The following ADGRA2 variants were observed in gnomAD, a reference collection of about 807,000 sequenced individuals.
ADGRA2 encodes the protein G-protein coupled receptor 124.
In ADGRA2, 61 loss-of-function variants were observed where a neutral mutation model predicts 98.7. That is an observed-to-expected ratio of 0.62 (90% CI 0.50 to 0.76). The LOEUF is 0.76. ADGRA2 is among the 30% of genes least tolerant of loss of function. ADGRA2 has a pLI of 0.00. For missense variants in ADGRA2, 1,712 were observed against 1,860.0 expected (o/e 0.92, Z 1.46); for synonymous variants, 858 against 831.5 (o/e 1.03, Z -0.55).
chr8:37,816,927 AACACACACACACACACACAC>A (rs3050620), intron 2 of ADGRA2, among the ~76,000 whole-genome samples: 2,545 of 131,986 alleles, frequency 0.019, 26 homozygotes, highest in African/African-American at 0.038. Context: ...AAGAAAGCAA[AACACACACACACACACACAC>A]ACACACACAC....
chr8:37,806,524 TTC>T (rs1288344010), intron 1 of ADGRA2, among the ~76,000 whole-genome samples: 5 of 136,226 alleles, frequency 3.7e-5, no homozygotes, highest in African/African-American at 1.6e-4. Context: ...TTTTTTCTTT[TTC>T]TTTTTTTTTT....
intron 18 of ADGRA2, 70 bp downstream of exon 18, chr8:37,840,919 G>T: frequency 9.0e-7 from 1 of 1,112,528 alleles, no homozygotes. Context: ...CACTGGCAGG[G>T]CCATCTGCCA....
At position 37,844,515 on chromosome 8, in the gene ADGRA2, G is replaced by A. The variant is rs771341957; in HGVS notation, c.*2160G>A. 3.7e-6 allele frequency: 6 copies of A among 1,613,344 alleles called. No homozygotes were observed. The highest frequency in any genetic ancestry group is 4.2e-6 in the Non-Finnish European group (5 of 1,180,000). The stretch of plus-strand genomic sequence containing the variant: ...TCAGGGAGGGTTAGGGACACTCGTG[G>A]CAGCCTGTCTAGCAGCCTGGGCTCT... On this transcript the variant is annotated 3_prime_UTR_variant, in exon 19 of 19. Transcript: ENST00000412232.
At chr8:37,832,133 A>ATTTT (rs1563349094) in intron 8 of ADGRA2, among the ~76,000 whole-genome samples, 21 of 94,700 alleles carry the variant, frequency 2.2e-4, no homozygotes, top group African/African-American at 6.1e-4. Context: ...TTTTTTTTTG[A>ATTTT]GAGAGAGTCT....
intron 16 of ADGRA2, 89 bp from the exon 17 acceptor site, chr8:37,840,032 A>G: frequency 7.9e-7 from 1 of 1,258,294 alleles, no homozygotes; most frequent in Non-Finnish European, 1.1e-6. Context: ...CGGAGGCTGG[A>G]AGCCTGGGAG....
rs760811674 is a variant in ADGRA2, at chr8:37,839,054, C to T, written c.2358C>T (p.Ala786=). The T allele has an allele frequency of 6.8e-6, 11 of 1,609,348 alleles. No individual in the cohort carries two copies. The highest frequency in any genetic ancestry group is 1.1e-5 in the South Asian group (1 of 90,144). Residue 786 remains alanine (A), a synonymous_variant, in exon 15 of 19, where the codon GCC becomes GCT. Transcript: ENST00000412232. The stretch of plus-strand genomic sequence containing the variant: ...CCTTGCTGCTGCTCTGCCTCTTCGC[C>T]ACCATCATCACCTACATCCTCAACC... The part of the protein sequence containing the change: ...CTALLLLCLF[A]TIITYILNHS...
Position 37,844,887 on chromosome 8 carries a change from A to G in ADGRA2, c.*2532A>G, listed in dbSNP as rs893889839. 2 of 1,614,098 alleles carry G rather than the reference A, an allele frequency of 1.2e-6. No individual in the cohort carries two copies. Among genetic ancestry groups the G allele is most frequent in the Non-Finnish European group, 1.7e-6 (2 of 1,180,058 alleles). On this transcript the variant is annotated 3_prime_UTR_variant, in exon 19 of 19. Transcript: ENST00000412232. ...GTGCTTCACCACAGACCGTTTGTCA[A>G]GTCTCAGAACTCGTAACCAGGCCAG...
Position 37,842,997 on chromosome 8 carries a change from A to G in ADGRA2, c.*642A>G, listed in dbSNP as rs888391781. 5 of 152,572 alleles carry G rather than the reference A, an allele frequency of 3.3e-5. No individual in the cohort carries two copies. The highest frequency in any genetic ancestry group is 1.2e-4 in the African/African-American group (5 of 41,434). The allele number at this position is 152,572 out of a possible 1,614,324, so 9.5% of individuals were successfully genotyped here. ...TGGGAACCGGGCACAACTAGGAACA[A>G]TGCCACCATTCCCACAGGAGTGGTA... On this transcript the variant is annotated 3_prime_UTR_variant, in exon 19 of 19. Coordinates refer to ENST00000412232, the MANE Select transcript of ADGRA2 (RefSeq NM_032777.10).
intron 2 of ADGRA2, among the ~76,000 whole-genome samples, chr8:37,816,774 G>T (rs1301857074): frequency 6.6e-6 from 1 of 152,036 alleles, no homozygotes; most frequent in East Asian, 1.9e-4. Context: ...AAATTAGCTG[G>T]GCATGGTGGC....
chr8:37,827,239 C>T (rs1688279875), intron 2 of ADGRA2, among the ~76,000 whole-genome samples: 1 of 152,260 alleles, frequency 6.6e-6, no homozygotes, highest in Admixed American at 6.5e-5. Flanking sequence ...ACCCACTCTG[C>T]CTTCTAGGCA....
intron 1 of ADGRA2, among the ~76,000 whole-genome samples, chr8:37,810,701 G>A (rs1012197909): frequency 5.9e-5 from 9 of 152,116 alleles, no homozygotes; most frequent in African/African-American, 1.9e-4. Flanking sequence ...GTCTTGCTAT[G>A]TTGCCCAGAC....
At chr8:37,819,146 T>TA (rs1805060746) in intron 2 of ADGRA2, among the ~76,000 whole-genome samples, 1 of 152,118 alleles carries the variant, frequency 6.6e-6, no homozygotes, top group Admixed American at 6.6e-5. Context: ...ATTATGGATC[T>TA]AAAATTCTAT....
In ADGRA2 at chr8:37,823,393, G is replaced by T. The variant is rs549837104; in HGVS notation, c.339-5495G>T. On this transcript the variant is annotated intron_variant, in intron 2 of 18. Transcript: ENST00000412232. ...ATTTTCTTTTTTGGTAGAGATAGGG[G>T]TCTCACTGTGTTGCTCAGGCTGGTC... Among the ~76,000 whole-genome samples the T allele has an allele frequency of 2.6e-5, 4 of 151,956 alleles. No individual in the cohort carries two copies. The East Asian group carries it at 7.7e-4, about 29-fold the overall frequency.
intron 13 of ADGRA2, among the ~76,000 whole-genome samples, chr8:37,836,450 G>A (rs551932875): frequency 2.0e-5 from 3 of 152,234 alleles, no homozygotes; most frequent in East Asian, 3.9e-4. Flanking sequence ...AGGTGTGGTG[G>A]GTGGGAGACA....
intron 14 of ADGRA2, 134 bp downstream of exon 14, chr8:37,838,073 A>C: frequency 1.3e-6 from 1 of 762,362 alleles, no homozygotes; most frequent in Non-Finnish European, 2.0e-6. Context: ...GGGCCCCATG[A>C]GTGGTGGGAT....
Position 37,841,183 on chromosome 8 carries a change from C to A in ADGRA2, c.2845C>A (p.Arg949Ser). ...GATCTATTTCCTGTGCGCCGGGCTA[C>A]GCTTACGGGGTCCTCTGGCACAGAA... Reference protein sequence around the residue: ...TWIYFLCAGLRLRGPLAQNPK... With the variant: ...TWIYFLCAGLSLRGPLAQNPK... Residue 949 changes from arginine (R) to serine (S), a missense_variant, in exon 19 of 19, where the codon CGC becomes AGC. Coordinates refer to ENST00000412232, the MANE Select transcript of ADGRA2 (RefSeq NM_032777.10). This position sits in a 1 kb window ranked among gnomAD's most constrained non-coding sequence, Gnocchi z 5.0. The A allele has an allele frequency of 6.2e-7, 1 of 1,613,304 alleles. No homozygotes were observed. Among genetic ancestry groups the A allele is most frequent in the Non-Finnish European group, 8.5e-7 (1 of 1,180,018 alleles).
intron 8 of ADGRA2, among the ~76,000 whole-genome samples, chr8:37,832,598 T>A (rs2130020843): frequency 6.6e-6 from 1 of 152,288 alleles, no homozygotes; most frequent in East Asian, 1.9e-4. Flanking sequence ...CAAAAAGGCT[T>A]TTATTTGCTT....
In ADGRA2 at chr8:37,831,500, C is replaced by A; in HGVS notation, c.1010C>A (p.Ala337Asp). ...ACCGTGTCCATGGCCCAAGGCAACG[C>A]CAGCAAGAAGGTGGAGATCGTGGTG... Reference protein sequence around the residue: ...ECTVSMAQGNASKKVEIVVLE... With the variant: ...ECTVSMAQGNDSKKVEIVVLE... Residue 337 changes from alanine (A) to aspartate (D), a missense_variant, in exon 8 of 19, where the codon GCC becomes GAC. Physicochemically the swap from Ala to Asp is moderately radical, Grantham distance 126. Coordinates refer to ENST00000412232, the MANE Select transcript of ADGRA2 (RefSeq NM_032777.10). The A allele has an allele frequency of 5.0e-6, 8 of 1,613,906 alleles. No homozygotes were observed. The highest frequency in any genetic ancestry group is 6.8e-6 in the Non-Finnish European group (8 of 1,180,016).
At chr8:37,837,668 CG>C in intron 13 of ADGRA2, 62 bp from the exon 14 acceptor site, 1 of 1,388,954 alleles carries the variant, frequency 7.2e-7, no homozygotes, top group Non-Finnish European at 9.9e-7. Context: ...TGCTGAGTCC[CG>C]GCTGAGCCCA....
Sources: gnomAD v4.1 joint callset for allele counts (sites outside exome capture counted in the v4.1 genomes callset) on GRCh38, gnomAD v4.1.1 for gene constraint, Gnocchi (gnomAD v3.1) non-coding constraint, MANE v1.5 for transcripts, NCBI Gene and HGNC (gene_info 2026-07-23, HGNC 2026-07-21) for gene names.